Variants in PTPRN2 observed in about 807,000 individuals in gnomAD.
PTPRN2 encodes the protein protein tyrosine phosphatase receptor type N2.
A neutral mutation model predicts 118.8 loss-of-function variants in PTPRN2; 74 were observed. The ratio of observed to expected loss-of-function variants is 0.62; its 90% CI spans 0.52 to 0.76. PTPRN2 has a LOEUF of 0.76. Ranked by LOEUF, PTPRN2 falls within the 30% of genes least tolerant of loss-of-function variation. PTPRN2 has a pLI of 0.00. For synonymous variants in PTPRN2, 641 were observed against 608.0 expected (o/e 1.05, Z -0.80); for missense variants, 1,481 against 1,394.4 (o/e 1.06, Z -0.99).
intron 11 of PTPRN2, among the ~76,000 whole-genome samples, chr7:158,070,147 G>A (rs1279523871): frequency 6.6e-6 from 1 of 152,246 alleles, no homozygotes; most frequent in Non-Finnish European, 1.5e-5. Flanking sequence ...ATGGGGCACT[G>A]CACTATGGCC....
intron 1 of PTPRN2, among the ~76,000 whole-genome samples, chr7:158,559,115 AG>A (rs1827222018): frequency 1.3e-5 from 2 of 152,370 alleles, no homozygotes; most frequent in South Asian, 2.1e-4. Flanking sequence ...AGCCCCCAGC[AG>A]GAATTCTTCC....
intron 11 of PTPRN2, among the ~76,000 whole-genome samples, chr7:158,048,849 T>C (rs62649314): frequency 6.6e-5 from 1 of 15,178 alleles, no homozygotes; most frequent in Non-Finnish European, 1.4e-4. Context: ...ATCACCACCA[T>C]TACCAATATC....
intron 2 of PTPRN2, among the ~76,000 whole-genome samples, chr7:158,376,522 G>A (rs1449372815): frequency 3.6e-5 from 4 of 112,226 alleles, no homozygotes; most frequent in South Asian, 3.3e-4. Context: ...CACGTCCTGA[G>A]AGGGGGGTCA....
chr7:157,936,512 C>T (rs1302340379), intron 11 of PTPRN2, among the ~76,000 whole-genome samples: 1 of 152,200 alleles, frequency 6.6e-6, no homozygotes, highest in African/African-American at 2.4e-5. Context: ...TCTCCCTGTT[C>T]TCCCGAGCAC....
intron 15 of PTPRN2, among the ~76,000 whole-genome samples, chr7:157,604,421 G>A (rs1286537954): frequency 2.0e-5 from 3 of 152,202 alleles, no homozygotes; most frequent in African/African-American, 7.2e-5. Context: ...CAAAGCTCCC[G>A]CTCAGCAGAA....
chr7:157,797,078 C>T (rs1003319747), intron 12 of PTPRN2, among the ~76,000 whole-genome samples: 1 of 152,204 alleles, frequency 6.6e-6, no homozygotes, highest in Non-Finnish European at 1.5e-5. Flanking sequence ...GGGCCACAGC[C>T]GGGGATTCAA....
chr7:157,971,912 G>C (rs989752855), intron 11 of PTPRN2, among the ~76,000 whole-genome samples: 1 of 152,206 alleles, frequency 6.6e-6, no homozygotes, highest in African/African-American at 2.4e-5. Context: ...AAACACTCCA[G>C]TGAAAGAAAA....
intron 3 of PTPRN2, among the ~76,000 whole-genome samples, chr7:158,220,850 A>G (rs1828306081): frequency 6.6e-6 from 1 of 152,094 alleles, no homozygotes; most frequent in African/African-American, 2.4e-5. Context: ...AGAATTAGAA[A>G]AAAAAAAGAA....
chr7:158,051,133 TG>T (rs1809296808), intron 11 of PTPRN2, among the ~76,000 whole-genome samples: 1 of 152,114 alleles, frequency 6.6e-6, no homozygotes, highest in South Asian at 2.1e-4. Context: ...GGGCATCTGT[TG>T]GGGGTCTGGA....
chr7:158,242,093 A>T (rs1219726372), intron 3 of PTPRN2, among the ~76,000 whole-genome samples: 2 of 152,190 alleles, frequency 1.3e-5, no homozygotes, highest in Non-Finnish European at 2.9e-5. Context: ...CCCACCCGGT[A>T]GAGCCATGCT....
intron 3 of PTPRN2, among the ~76,000 whole-genome samples, chr7:158,207,112 T>C (rs1371764799): frequency 6.7e-6 from 1 of 148,614 alleles, no homozygotes; most frequent in Admixed American, 6.7e-5. Context: ...TCCAATTTCA[T>C]CCATGTCCCT....
At chr7:158,133,533 C>T (rs1245934121) in intron 9 of PTPRN2, 144 bp downstream of exon 9, 1 of 1,202,804 alleles carries the variant, frequency 8.3e-7, no homozygotes, top group African/African-American at 1.5e-5. Context: ...GCGCCTGAGA[C>T]TCCAGGGATG....
chr7:158,137,340 C>T (rs1380043982), intron 7 of PTPRN2, among the ~76,000 whole-genome samples: 1 of 152,160 alleles, frequency 6.6e-6, no homozygotes, highest in Non-Finnish European at 1.5e-5. Flanking sequence ...TCACTTGAAC[C>T]CGGCAGGCAA....
intron 11 of PTPRN2, among the ~76,000 whole-genome samples, chr7:157,934,115 G>C (rs891343943): frequency 6.6e-6 from 1 of 152,204 alleles, no homozygotes; most frequent in African/African-American, 2.4e-5. Context: ...ATCAGCTCAA[G>C]GGCACGTGTG....
chr7:158,152,091 G>A (rs1261897623), intron 6 of PTPRN2, among the ~76,000 whole-genome samples: 2 of 147,580 alleles, frequency 1.4e-5, no homozygotes, highest in East Asian at 4.2e-4. Flanking sequence ...GGAGAATGGT[G>A]TGAACCCGGG....
chr7:157,898,738 C>T lies in PTPRN2; in HGVS notation c.1724-1G>A. ...TCCTCCAGTTTGTCTTTGTTGTCAACTGTTAGGAAAAATCAGAAAGCACAA... is the reference window on the plus strand; with the variant it reads ...TCCTCCAGTTTGTCTTTGTTGTCAATTGTTAGGAAAAATCAGAAAGCACAA... On this transcript the variant is annotated splice_acceptor_variant, in intron 11 of 22. Coordinates refer to ENST00000389418, the MANE Select transcript of PTPRN2 (RefSeq NM_002847.5). LOFTEE classifies it high-confidence loss of function. 1 of 1,601,510 alleles carries T rather than the reference C, an allele frequency of 6.2e-7. No individual in the cohort carries two copies. Among genetic ancestry groups the T allele is most frequent in the Non-Finnish European group, 8.6e-7 (1 of 1,168,406 alleles).
In PTPRN2 at chr7:158,332,682, C is replaced by A. The variant is rs1245437545; in HGVS notation, c.164-15750G>T. On this transcript the variant is annotated intron_variant, in intron 2 of 22. Coordinates refer to ENST00000389418, the MANE Select transcript of PTPRN2 (RefSeq NM_002847.5). ...CCTGCAGACATCACTCACACCCACA[C>A]TCTAACCATAAGAGTTGACACCTGC... Among the ~76,000 whole-genome samples, 6 of 148,906 alleles carry A rather than the reference C, an allele frequency of 4.0e-5. No homozygotes were observed. The South Asian group carries it at 1.3e-3, about 31-fold the overall frequency.
chr7:158,187,200 G>C (rs967253029), intron 5 of PTPRN2, among the ~76,000 whole-genome samples: 3 of 152,196 alleles, frequency 2.0e-5, no homozygotes, highest in Admixed American at 6.5e-5. Flanking sequence ...GAAAGAGCAT[G>C]ATTATATTCC....
At chr7:157,745,436 G>A (rs949753596) in intron 12 of PTPRN2, among the ~76,000 whole-genome samples, 1 of 151,784 alleles carries the variant, frequency 6.6e-6, no homozygotes, top group Admixed American at 6.6e-5. Flanking sequence ...GGCAGGTTGG[G>A]GGAGAGGACA....
Sources: allele counts gnomAD v4.1 joint callset (sites outside exome capture counted in the v4.1 genomes callset), GRCh38; gene constraint gnomAD v4.1.1; transcripts MANE v1.5; gene names NCBI Gene and HGNC (gene_info 2026-07-23, HGNC 2026-07-21).